CEP128: variants seen among roughly 807,000 people sequenced by gnomAD.
The protein encoded by CEP128 is centrosomal protein 128kDa.
A neutral mutation model predicts 156.7 loss-of-function variants in CEP128; 132 were observed. That is an observed-to-expected ratio of 0.84 (90% confidence interval 0.73 to 0.97). The LOEUF is 0.97. Ranked by LOEUF, CEP128 falls within the 50% of genes least tolerant of loss-of-function variation. The pLI is 0.00. For missense variants in CEP128, 1,252 were observed against 1,281.9 expected (o/e 0.98, Z 0.36); for synonymous variants, 469 against 448.9 (o/e 1.04, Z -0.57).
Position 80,654,690 on chromosome 14 carries a change from T to C in CEP128, c.2807-74267A>G, listed in dbSNP as rs1293834972. Among the ~76,000 whole-genome samples, 3 of 152,218 alleles carry C rather than the reference T, an allele frequency of 2.0e-5. No homozygotes were observed. The East Asian group carries it at 5.8e-4, about 29-fold the overall frequency. ...TCTTTAATGTTCTTGAAGTATTTTA[T>C]AAAAACATTTTCTCTTTTCTTGTTC... On this transcript the variant is annotated intron_variant, in intron 19 of 24. Coordinates refer to ENST00000555265, the MANE Select transcript of CEP128 (RefSeq NM_152446.5).
intron 18 of CEP128, among the ~76,000 whole-genome samples, chr14:80,746,088 T>C (rs912771506): frequency 6.6e-6 from 1 of 152,150 alleles, no homozygotes; most frequent in African/African-American, 2.4e-5. Flanking sequence ...TTTAAAAAAC[T>C]GAAGACTAAG....
chr14:80,739,534 C>G (rs1393175334), intron 19 of CEP128, among the ~76,000 whole-genome samples: 2 of 152,136 alleles, frequency 1.3e-5, no homozygotes, highest in East Asian at 3.9e-4. Context: ...TAATCAGGCT[C>G]AAGCTTTTCT....
At chr14:80,837,391 G>C (rs1215109633) in intron 11 of CEP128, among the ~76,000 whole-genome samples, 1 of 152,186 alleles carries the variant, frequency 6.6e-6, no homozygotes, top group Non-Finnish European at 1.5e-5. Flanking sequence ...CTCCCATTAT[G>C]GGCTGATGGA....
chr14:80,887,031 A>T (rs1162538680), intron 8 of CEP128, among the ~76,000 whole-genome samples: 1 of 152,246 alleles, frequency 6.6e-6, no homozygotes, highest in African/African-American at 2.4e-5. Context: ...AAAAAGACAA[A>T]GGGCATTACA....
intron 19 of CEP128, among the ~76,000 whole-genome samples, chr14:80,682,258 A>C (rs184187107): frequency 5.6e-4 from 85 of 152,372 alleles, no homozygotes; most frequent in Admixed American, 1.2e-3. Context: ...ATCTTAAAAA[A>C]CAATCAGAAC....
chr14:80,652,956 T>C (rs1894972663), intron 19 of CEP128, among the ~76,000 whole-genome samples: 2 of 152,288 alleles, frequency 1.3e-5, no homozygotes, highest in East Asian at 1.9e-4. Context: ...CCATTAATGA[T>C]AGACTGGATT....
chr14:80,957,459 G>GA (rs1345803208), intron 2 of CEP128, among the ~76,000 whole-genome samples: 42 of 106,678 alleles, frequency 3.9e-4, no homozygotes, highest in Admixed American at 5.2e-4. Flanking sequence ...TAGACACTCA[G>GA]AAAAAACAAA....
At chr14:80,909,371 TCACACACACACACA>T (rs36082524) in intron 4 of CEP128, among the ~76,000 whole-genome samples, 9 of 142,332 alleles carry the variant, frequency 6.3e-5, no homozygotes, top group African/African-American at 2.1e-4. Flanking sequence ...AAGTGAATTT[TCACACACACACACA>T]CACACACACA....
At chr14:80,745,526 A>T (rs902774945) in intron 18 of CEP128, among the ~76,000 whole-genome samples, 1 of 152,198 alleles carries the variant, frequency 6.6e-6, no homozygotes, top group African/African-American at 2.4e-5. Context: ...CAAAAGACAC[A>T]GAAAATGCAT....
intron 19 of CEP128, among the ~76,000 whole-genome samples, chr14:80,728,143 C>T (rs904985196): frequency 1.3e-5 from 2 of 152,082 alleles, no homozygotes; most frequent in African/African-American, 2.4e-5. Context: ...AAATGTGATA[C>T]GTATACACCA....
intron 19 of CEP128, among the ~76,000 whole-genome samples, chr14:80,671,506 C>T (rs1212321476): frequency 6.6e-6 from 1 of 152,160 alleles, no homozygotes; most frequent in Non-Finnish European, 1.5e-5. Context: ...ATTCTCAAAC[C>T]TTGTCTCATA....
chr14:80,634,046 T>C (rs1391567917), intron 19 of CEP128, among the ~76,000 whole-genome samples: 3 of 152,154 alleles, frequency 2.0e-5, no homozygotes, highest in African/African-American at 4.8e-5. Flanking sequence ...GAAAGCCATA[T>C]ATGAAGGAGA....
intron 23 of CEP128, among the ~76,000 whole-genome samples, chr14:80,522,560 G>A (rs1187167995): frequency 2.0e-5 from 3 of 152,214 alleles, no homozygotes; most frequent in African/African-American, 7.2e-5. Flanking sequence ...AGGGGAAGAA[G>A]GATGGGGAAT....
intron 19 of CEP128, among the ~76,000 whole-genome samples, chr14:80,629,846 C>G (rs1893890773): frequency 6.6e-6 from 1 of 151,894 alleles, no homozygotes; most frequent in African/African-American, 2.4e-5. Context: ...AACATGAGAA[C>G]TAGGTGCCCT....
At chr14:80,857,762 C>CA (rs1389581394) in intron 9 of CEP128, among the ~76,000 whole-genome samples, 4 of 144,166 alleles carry the variant, frequency 2.8e-5, no homozygotes, top group African/African-American at 7.5e-5. Flanking sequence ...ACAACAACAA[C>CA]AACAACAAAA....
intron 18 of CEP128, among the ~76,000 whole-genome samples, chr14:80,754,347 G>A (rs1380918656): frequency 6.6e-6 from 1 of 151,964 alleles, no homozygotes; most frequent in Non-Finnish European, 1.5e-5. Context: ...ATTCATCTGG[G>A]ACATCAGCCT....
intron 13 of CEP128, among the ~76,000 whole-genome samples, chr14:80,803,215 C>G (rs1201504117): frequency 6.6e-6 from 1 of 152,078 alleles, no homozygotes; most frequent in African/African-American, 2.4e-5. Context: ...ATGAGCCATT[C>G]TTTGTGCTCT....
chr14:80,478,320 T>C (rs539799041), exon 15 of CEP128: 1 of 152,042 alleles, frequency 6.6e-6, no homozygotes, highest in Non-Finnish European at 1.5e-5. Flanking sequence ...TGATGCACCA[T>C]CATGGCTCCA....
chr14:80,665,523 C>T (rs549137494), intron 19 of CEP128, among the ~76,000 whole-genome samples: 20 of 152,208 alleles, frequency 1.3e-4, no homozygotes, highest in African/African-American at 4.6e-4. Flanking sequence ...CATTTTTAGC[C>T]TTATGTGGCA....
Sources: gnomAD v4.1 joint callset for allele counts (sites outside exome capture counted in the v4.1 genomes callset) on GRCh38, gnomAD v4.1.1 for gene constraint, MANE v1.5 for transcripts, NCBI Gene and HGNC (gene_info 2026-07-23, HGNC 2026-07-21) for gene names.